Variants in KCNMA1 observed in about 807,000 individuals in gnomAD.
KCNMA1 encodes the protein potassium calcium-activated channel subfamily M alpha 1.
In KCNMA1, 29 loss-of-function variants were observed where a neutral mutation model predicts 140.0. That is an observed-to-expected ratio of 0.21 (90% CI 0.15 to 0.28). The LOEUF is 0.28. KCNMA1 is among the 10% of genes least tolerant of loss of function. KCNMA1 has a pLI of 1.00. For synonymous variants in KCNMA1, 612 were observed against 611.9 expected, an observed-to-expected ratio of 1.00 and a Z score of 0.00; for missense variants, 880 against 1,602.2, an observed-to-expected ratio of 0.55 and a Z score of 7.70.
At chr10:77,028,780 A>G (rs1216126682) in intron 15 of KCNMA1, among the ~76,000 whole-genome samples, 3 of 152,198 alleles carry the variant, frequency 2.0e-5, no homozygotes, top group African/African-American at 4.8e-5. Flanking sequence ...GGAATTCTCC[A>G]TAGTGCATAG....
intron 14 of KCNMA1, among the ~76,000 whole-genome samples, chr10:77,065,105 G>A (rs1003477659): frequency 1.4e-4 from 22 of 152,140 alleles, no homozygotes; most frequent in African/African-American, 4.8e-4. Context: ...GAGGCCAACC[G>A]ATGCATTCAT....
chr10:77,102,639 A>G (rs2097125805), intron 9 of KCNMA1, among the ~76,000 whole-genome samples: 1 of 152,198 alleles, frequency 6.6e-6, no homozygotes, highest in East Asian at 1.9e-4. Flanking sequence ...CCTGGATTTT[A>G]AAAGCAAGAG....
At chr10:77,259,770 G>A (rs1345006465) in intron 2 of KCNMA1, among the ~76,000 whole-genome samples, 1 of 152,172 alleles carries the variant, frequency 6.6e-6, no homozygotes, top group African/African-American at 2.4e-5. Context: ...TCTGTTTTGT[G>A]TAGCAGTTAG....
intron 9 of KCNMA1, among the ~76,000 whole-genome samples, chr10:77,098,700 A>G (rs922571661): frequency 6.6e-6 from 1 of 151,772 alleles, no homozygotes; most frequent in Non-Finnish European, 1.5e-5. Flanking sequence ...CCTAATTCTC[A>G]CTGTTACCTA....
intron 10 of KCNMA1, among the ~76,000 whole-genome samples, chr10:77,089,678 C>T (rs2096771047): frequency 6.6e-6 from 1 of 152,176 alleles, no homozygotes; most frequent in South Asian, 2.1e-4. Flanking sequence ...TGACTCTGCT[C>T]TGCACACTTC....
intron 12 of KCNMA1, among the ~76,000 whole-genome samples, chr10:77,082,147 A>G (rs1227707810): frequency 6.7e-6 from 1 of 148,390 alleles, no homozygotes; most frequent in Admixed American, 6.8e-5. Flanking sequence ...CCCTGCCTCA[A>G]CCTCCTGAGT....
At chr10:76,940,097 T>G (rs879722066) in intron 23 of KCNMA1, among the ~76,000 whole-genome samples, 3 of 152,220 alleles carry the variant, frequency 2.0e-5, no homozygotes, top group Non-Finnish European at 4.4e-5. Context: ...CTTTATATAA[T>G]TGTCACTGCA....
intron 1 of KCNMA1, among the ~76,000 whole-genome samples, chr10:77,518,679 T>C (rs1460856764): frequency 6.6e-6 from 1 of 152,178 alleles, no homozygotes; most frequent in Non-Finnish European, 1.5e-5. Context: ...TCTCTAAGCA[T>C]CCGTTTCTTC....
At chr10:77,533,732 T>C (rs145950832) in intron 1 of KCNMA1, among the ~76,000 whole-genome samples, 1 of 152,298 alleles carries the variant, frequency 6.6e-6, no homozygotes, top group African/African-American at 2.4e-5. Flanking sequence ...GAACTCCCCC[T>C]GCTTAGGCTT....
At chr10:76,899,885 A>C (rs1458159516) in intron 25 of KCNMA1, among the ~76,000 whole-genome samples, 1 of 152,126 alleles carries the variant, frequency 6.6e-6, no homozygotes, top group Non-Finnish European at 1.5e-5. Flanking sequence ...TAATACTAAA[A>C]TGTTTTTTAA....
chr10:77,116,055 C>G (rs1001090059), intron 6 of KCNMA1, among the ~76,000 whole-genome samples: 3 of 152,174 alleles, frequency 2.0e-5, no homozygotes, highest in African/African-American at 7.2e-5. Context: ...ATAGTCATAG[C>G]CTTCCTGGTC....
chr10:77,486,020 A>G (rs1433377422), intron 1 of KCNMA1, among the ~76,000 whole-genome samples: 2 of 152,096 alleles, frequency 1.3e-5, no homozygotes, highest in Non-Finnish European at 2.9e-5. Context: ...ATCCTAGGAG[A>G]GCCTGAGGGA....
In KCNMA1 at chr10:76,949,133, T is replaced by TGGACTTAC; in HGVS notation, c.2709+1_2709+8dup. The TGGACTTAC allele has an allele frequency of 6.3e-7, 1 of 1,597,128 alleles. No homozygotes were observed. The highest frequency in any genetic ancestry group is 8.6e-7 in the Non-Finnish European group (1 of 1,164,474). The stretch of plus-strand genomic sequence containing the variant: ...AGAAAAGGCATCAATAATGTGACCT[T>TGGACTTAC]GGACTTACAGGCAATATGGACACTT... On this transcript the variant is annotated intron_variant, in intron 22 of 27. Coordinates refer to ENST00000286628, the MANE Select transcript of KCNMA1 (RefSeq NM_001161352.2).
rs1421847751 is a variant in KCNMA1 at position 76,935,361 on chromosome 10, A to G, written c.2902+9412T>C. 2.6e-5 allele frequency among the ~76,000 whole-genome samples: 4 copies of G among 152,246 alleles called. No homozygotes were observed. In the East Asian group the frequency reaches 7.7e-4, roughly 29 times the overall value. On this transcript the variant is annotated intron_variant, in intron 23 of 27. Coordinates refer to ENST00000286628, the MANE Select transcript of KCNMA1 (RefSeq NM_001161352.2). ...AAAGTACATGTATAGCTTCAGGCCC[A>G]TTCTCATCAGGATAACACTTGCCTT...
At chr10:76,890,779 A>G (rs2039650536) in intron 26 of KCNMA1, among the ~76,000 whole-genome samples, 2 of 152,220 alleles carry the variant, frequency 1.3e-5, no homozygotes, top group African/African-American at 4.8e-5. Context: ...CAGTGCCTAC[A>G]CTAGGCAGAT....
intron 1 of KCNMA1, among the ~76,000 whole-genome samples, chr10:77,446,561 C>A (rs982971931): frequency 1.8e-4 from 28 of 152,352 alleles, no homozygotes; most frequent in African/African-American, 5.0e-4. Flanking sequence ...CAAGGATGAG[C>A]TGAGCCTTGA....
chr10:77,219,310 T>G (rs1160541019), intron 3 of KCNMA1, among the ~76,000 whole-genome samples: 1 of 152,186 alleles, frequency 6.6e-6, no homozygotes, highest in Non-Finnish European at 1.5e-5. Flanking sequence ...TTCATTTCTT[T>G]GAAGCACTAT....
intron 23 of KCNMA1, among the ~76,000 whole-genome samples, chr10:76,935,448 A>C (rs1176213763): frequency 1.3e-5 from 2 of 152,234 alleles, no homozygotes; most frequent in Non-Finnish European, 2.9e-5. Flanking sequence ...TTTGGAGATC[A>C]ACTCCATGTG....
intron 7 of KCNMA1, among the ~76,000 whole-genome samples, chr10:77,111,722 T>A (rs888798068): frequency 1.3e-5 from 2 of 152,188 alleles, no homozygotes; most frequent in East Asian, 3.9e-4. Context: ...TGGTCAACTT[T>A]ATCCAAAGTC....
Sources: allele counts gnomAD v4.1 joint callset (sites outside exome capture counted in the v4.1 genomes callset), GRCh38; gene constraint gnomAD v4.1.1; transcripts MANE v1.5; gene names NCBI Gene and HGNC (gene_info 2026-07-23, HGNC 2026-07-21).